The following GNE variants were observed in gnomAD, a reference collection of about 807,000 sequenced individuals.
The protein encoded by GNE is glucosamine (UDP-N-acetyl)-2-epimerase/N-acetylmannosamine kinase.
A neutral mutation model predicts 61.8 loss-of-function variants in GNE; 41 were observed. That is an observed-to-expected ratio of 0.66 (90% CI 0.52 to 0.86). GNE has a LOEUF of 0.86. Ranked by LOEUF, GNE falls within the 40% of genes least tolerant of loss-of-function variation. The probability of loss-of-function intolerance (pLI) is 0.00; values close to 1 mark genes in which losing one functional copy is unlikely to be tolerated. For missense variants in GNE, 608 were observed against 909.1 expected (o/e 0.67, Z 4.26); for synonymous variants, 264 against 326.4 (o/e 0.81, Z 2.06).
At chr9:36,270,403 T>G (rs768598727) in intron 1 of GNE, among the ~76,000 whole-genome samples, 1 of 152,130 alleles carries the variant, frequency 6.6e-6, no homozygotes, top group Admixed American at 6.6e-5. Flanking sequence ...ATATCAATAG[T>G]GTTTTAGAAT....
chr9:36,220,677 A>T (rs1209938616), intron 9 of GNE, among the ~76,000 whole-genome samples: 7 of 152,210 alleles, frequency 4.6e-5, no homozygotes, highest in Non-Finnish European at 1.0e-4. Flanking sequence ...TACCCAAGAT[A>T]AGTCTTTTAA....
At chr9:36,252,843 C>T (rs1255963668) in intron 1 of GNE, among the ~76,000 whole-genome samples, 1 of 151,972 alleles carries the variant, frequency 6.6e-6, no homozygotes, top group African/African-American at 2.4e-5. Flanking sequence ...TACTGGTTTC[C>T]TATCTGTCCT....
intron 1 of GNE, among the ~76,000 whole-genome samples, chr9:36,253,793 T>A (rs1450303395): frequency 6.6e-6 from 1 of 151,284 alleles, no homozygotes; most frequent in Non-Finnish European, 1.5e-5. Context: ...ATCCCAGCAC[T>A]TTGGGAGGCT....
At chr9:36,258,613 G>T, upstream of GNE, 7 of 675,574 alleles carry the variant, frequency 1.0e-5, no homozygotes, top group Non-Finnish European at 1.3e-5. Context: ...CGCAGGCAGG[G>T]TGCTGACCAG....
At chr9:36,222,413 C>T (rs550859007) in intron 9 of GNE, among the ~76,000 whole-genome samples, 5 of 104,826 alleles carry the variant, frequency 4.8e-5, no homozygotes, top group Admixed American at 3.0e-4. Flanking sequence ...AGCGAGACTC[C>T]GTCTCAAAAA....
chr9:36,216,226 T>C lies in GNE; in HGVS notation c.*1139A>G. 1 of 453,010 alleles carries C rather than the reference T, an allele frequency of 2.2e-6. No homozygotes were observed. The highest frequency in any genetic ancestry group is 4.5e-6 in the Non-Finnish European group (1 of 224,478). 28.1% of individuals were successfully genotyped at this position (453,010 alleles called of 1,614,324 possible). On this transcript the variant is annotated 3_prime_UTR_variant, in exon 12 of 12. Transcript: ENST00000642385. The stretch of plus-strand genomic sequence containing the variant: ...GTAGGCTTTAAAAACAATAAAGCTG[T>C]TTTAAAAAAAAGTGTACTTAAGCCC...
At chr9:36,232,189 C>T (rs759125748) in intron 5 of GNE, among the ~76,000 whole-genome samples, 1 of 152,222 alleles carries the variant, frequency 6.6e-6, no homozygotes, top group Admixed American at 6.5e-5. Context: ...CTTTCACCTC[C>T]GCATCCAAGC....
chr9:36,267,157 T>C (rs1587382396), intron 1 of GNE, among the ~76,000 whole-genome samples: 1 of 152,368 alleles, frequency 6.6e-6, no homozygotes, highest in East Asian at 1.9e-4. Flanking sequence ...TGAAAGATAC[T>C]TACAAATGTA....
chr9:36,258,972 G>A (rs1268506378), upstream of GNE, among the ~76,000 whole-genome samples: 1 of 152,162 alleles, frequency 6.6e-6, no homozygotes, highest in Non-Finnish European at 1.5e-5. Flanking sequence ...TCAGTTCAGC[G>A]GCGGCCTCCA....
In GNE at chr9:36,276,826, C is replaced by CT. The variant is rs561021546; in HGVS notation, c.51+67dup. 15 of 1,227,504 alleles carry CT rather than the reference C, an allele frequency of 1.2e-5. No homozygotes were observed. In the African/African-American group the frequency reaches 1.8e-4, roughly 15 times the overall value. 76.0% of individuals were successfully genotyped at this position (1,227,504 alleles called of 1,614,324 possible). ...TTTCCTCTTCCTCTTTGTAATTTTC[C>CT]TTTTTCCCCCCTTTTTTTCTGATTG... On this transcript the variant is annotated intron_variant, in intron 1 of 11. Coordinates refer to the GNE transcript ENST00000396594.
intron 1 of GNE, among the ~76,000 whole-genome samples, chr9:36,271,398 G>A (rs1213122502): frequency 2.0e-5 from 3 of 152,124 alleles, no homozygotes; most frequent in African/African-American, 7.2e-5. Flanking sequence ...TTTTGAGACC[G>A]AGTCTCGCTC....
chr9:36,265,533 T>C (rs1830747247), intron 1 of GNE: 1 of 453,368 alleles, frequency 2.2e-6, no homozygotes. Flanking sequence ...ATCACCATAT[T>C]AAGCTGGATA....
At chr9:36,260,375 G>T (rs144259227), upstream of GNE, among the ~76,000 whole-genome samples, 103 of 152,114 alleles carry the variant, frequency 6.8e-4, no homozygotes, top group African/African-American at 2.3e-3. Flanking sequence ...GATGAGAAAG[G>T]CTGGGAGAGT....
intron 1 of GNE, among the ~76,000 whole-genome samples, chr9:36,270,325 A>G (rs564284800): frequency 1.3e-5 from 2 of 152,200 alleles, no homozygotes; most frequent in African/African-American, 4.8e-5. Flanking sequence ...ATGATTTTAT[A>G]TACCTAAAAT....
chr9:36,269,226 A>G (rs952296631), intron 1 of GNE, among the ~76,000 whole-genome samples: 2 of 150,882 alleles, frequency 1.3e-5, no homozygotes, highest in African/African-American at 4.9e-5. Flanking sequence ...ATATAATTCT[A>G]CCTTTCAAAT....
chr9:36,266,857 C>T (rs1001113401), intron 1 of GNE, among the ~76,000 whole-genome samples: 2 of 151,418 alleles, frequency 1.3e-5, no homozygotes, highest in African/African-American at 4.9e-5. Context: ...TGCAGTGAGC[C>T]GAGATGGCGC....
In GNE at chr9:36,249,980, G is replaced by C. The variant is rs141020522; in HGVS notation, c.-42-583C>G. On this transcript the variant is annotated intron_variant, in intron 1 of 11. Transcript: ENST00000642385. ...AACACACTGGAATGCCATTAAGAAG[G>C]AGTGATATAAATCAGCTCTTGTTTA... Among the ~76,000 whole-genome samples, 1,330 of 152,124 alleles carry C rather than the reference G, an allele frequency of 8.7e-3. 18 individuals are homozygous for C. The highest frequency in any genetic ancestry group is 0.029 in the African/African-American group (1,201 of 41,508).
At chr9:36,231,081 A>AAAAAAAG (rs1554660476) in intron 5 of GNE, among the ~76,000 whole-genome samples, 2 of 140,864 alleles carry the variant, frequency 1.4e-5, no homozygotes, top group African/African-American at 5.4e-5. Context: ...AAAAAAAAAA[A>AAAAAAAG]AAAGAAAGAA....
rs1244585534 is a variant in GNE, at chr9:36,233,902, A to G, written c.982+18T>C. 4 of 1,583,028 alleles carry G rather than the reference A, an allele frequency of 2.5e-6. No individual in the cohort carries two copies. The highest frequency in any genetic ancestry group is 2.7e-5 in the African/African-American group (2 of 74,360). On this transcript the variant is annotated intron_variant, in intron 5 of 11. Coordinates refer to ENST00000642385, the MANE Select transcript of GNE (RefSeq NM_005476.7). ...TGTATAAAGCCTAGTCAGTTGAAGT[A>G]TGAGCAAAGGTAAATACCTGTTTCT...
Sources: gnomAD v4.1 joint callset for allele counts (sites outside exome capture counted in the v4.1 genomes callset) on GRCh38, gnomAD v4.1.1 for gene constraint, MANE v1.5 for transcripts, NCBI Gene and HGNC (gene_info 2026-07-23, HGNC 2026-07-21) for gene names.